MLIP: variants seen among roughly 807,000 people sequenced by gnomAD.
MLIP encodes muscular LMNA interacting protein, also known as muscular LMNA-interacting protein.
In MLIP, 79 loss-of-function variants were observed where a neutral mutation model predicts 84.8. The observed-to-expected ratio is 0.93, with a 90% CI of 0.78 to 1.12. MLIP has a LOEUF of 1.12. MLIP is among the 50% of genes most tolerant of loss of function. MLIP has a pLI of 0.00. For missense variants in MLIP, 1,257 were observed against 1,160.6 expected, an observed-to-expected ratio of 1.08 and a Z score of -1.21; for synonymous variants, 504 against 463.0, an observed-to-expected ratio of 1.09 and a Z score of -1.14.
intron 1 of MLIP, chr6:54,029,229 C>T (rs190025754): frequency 2.0e-5 from 3 of 152,246 alleles, no homozygotes; most frequent in Admixed American, 2.0e-4. Context: ...TGGATGTGTC[C>T]TCCAACATTC....
At position 54,207,900 on chromosome 6, in the gene MLIP, C is replaced by T. The variant is rs1472485174; in HGVS notation, c.2718+5667C>T. On this transcript the variant is annotated intron_variant, in intron 11 of 13. Coordinates refer to ENST00000502396, the MANE Select transcript of MLIP (RefSeq NM_001281747.2). ...CAGCACTTTGGGAGGCCGAGGTGGG[C>T]GGATCACGAGGTCAGGAGATGAAGA... Among the ~76,000 whole-genome samples, 6 of 151,688 alleles carry T rather than the reference C, an allele frequency of 4.0e-5. No individual in the cohort carries two copies. In the South Asian group the frequency reaches 1.0e-3, roughly 26 times the overall value.
chr6:54,245,006 T>C (rs966378440), intron 12 of MLIP, among the ~76,000 whole-genome samples: 7 of 152,304 alleles, frequency 4.6e-5, no homozygotes, highest in South Asian at 2.1e-4. Flanking sequence ...TCTTGTAAAA[T>C]AACATGCTGG....
chr6:54,071,022 TAGAC>T (rs1361814278), intron 1 of MLIP, among the ~76,000 whole-genome samples: 1 of 152,108 alleles, frequency 6.6e-6, no homozygotes, highest in Non-Finnish European at 1.5e-5. Flanking sequence ...ATAGACCCCT[TAGAC>T]AGAACTAAGA....
intron 11 of MLIP, among the ~76,000 whole-genome samples, chr6:54,206,777 C>G (rs940797186): frequency 6.6e-6 from 1 of 152,136 alleles, no homozygotes; most frequent in Non-Finnish European, 1.5e-5. Flanking sequence ...AACTTCCCTT[C>G]TTTATGTCAC....
At chr6:54,030,789 A>C (rs1255480425) in intron 1 of MLIP, 1 of 152,132 alleles carries the variant, frequency 6.6e-6, no homozygotes, top group Non-Finnish European at 1.5e-5. Context: ...ATGTATGGAG[A>C]CCTTAATTAT....
chr6:54,161,303 T>C (rs1040958859), intron 8 of MLIP, among the ~76,000 whole-genome samples: 3 of 151,954 alleles, frequency 2.0e-5, no homozygotes, highest in Non-Finnish European at 4.4e-5. Flanking sequence ...TGATTGAATC[T>C]ATTTCATTAT....
chr6:54,177,051 T>A (rs2150620447), intron 9 of MLIP, among the ~76,000 whole-genome samples: 1 of 152,004 alleles, frequency 6.6e-6, no homozygotes, highest in East Asian at 1.9e-4. Context: ...AAAAATTAAC[T>A]CAAGATGAAT....
chr6:54,173,764 A>G (rs2150606857), intron 9 of MLIP, among the ~76,000 whole-genome samples: 1 of 152,098 alleles, frequency 6.6e-6, no homozygotes, highest in African/African-American at 2.4e-5. Flanking sequence ...AAAATGTACA[A>G]TTAAATTATT....
Position 54,096,542 on chromosome 6 carries a change from C to A in MLIP, c.64-24905C>A, listed in dbSNP as rs551199740. 8.0e-4 allele frequency among the ~76,000 whole-genome samples: 121 copies of A among 152,144 alleles called. No homozygotes were observed. In the Middle Eastern group the frequency reaches 0.01, roughly 13 times the overall value. ...TCGGGGAAGCCCACAGCTGGTGAAG[C>A]CTTGGCTACTTTGGCTGGATATGGG... On this transcript the variant is annotated intron_variant, in intron 1 of 12. Coordinates refer to the MLIP transcript ENST00000274897.
At chr6:54,126,202 A>G (rs1006358768) in intron 3 of MLIP, among the ~76,000 whole-genome samples, 1 of 151,992 alleles carries the variant, frequency 6.6e-6, no homozygotes, top group African/African-American at 2.4e-5. Context: ...TTAGGGGAGG[A>G]CAGCTTTAGG....
chr6:54,257,404 T>C, intron 13 of MLIP, 43 bp downstream of exon 13: 1 of 1,412,810 alleles, frequency 7.1e-7, no homozygotes. Flanking sequence ...TCCATTTCTG[T>C]GTGATTATAG....
intron 13 of MLIP, among the ~76,000 whole-genome samples, chr6:54,260,548 G>A (rs1048593135): frequency 1.3e-5 from 2 of 151,914 alleles, no homozygotes; most frequent in Non-Finnish European, 2.9e-5. Flanking sequence ...GTCTAGGAAG[G>A]CCAATCAAAT....
intron 1 of MLIP, among the ~76,000 whole-genome samples, chr6:54,093,845 T>C (rs1446434819): frequency 2.0e-5 from 3 of 152,204 alleles, no homozygotes; most frequent in Non-Finnish European, 4.4e-5. Context: ...GTGGCAGAGC[T>C]GAAGAGCTGT....
intron 1 of MLIP, chr6:54,045,391 G>GAGGA (rs1235948453): frequency 1.3e-5 from 2 of 151,954 alleles, no homozygotes; most frequent in Middle Eastern, 3.2e-3. Context: ...CACCATGCAT[G>GAGGA]ATCAAATTTT....
At chr6:54,062,758 T>C (rs899110144) in intron 1 of MLIP, among the ~76,000 whole-genome samples, 2 of 152,192 alleles carry the variant, frequency 1.3e-5, no homozygotes, top group African/African-American at 4.8e-5. Context: ...TCCACGATTA[T>C]TGGAAAACAA....
chr6:54,249,396 A>G (rs1296933999), intron 12 of MLIP, among the ~76,000 whole-genome samples: 1 of 152,096 alleles, frequency 6.6e-6, no homozygotes. Flanking sequence ...AAAAATAAAT[A>G]TTAATAAATG....
chr6:54,029,901 A>G (rs1487725008), intron 1 of MLIP, among the ~76,000 whole-genome samples: 1 of 152,150 alleles, frequency 6.6e-6, no homozygotes, highest in Non-Finnish European at 1.5e-5. Flanking sequence ...TAAATGAGCC[A>G]CCATTTTCTC....
chr6:54,027,384 C>T (rs1306222845), intron 1 of MLIP, among the ~76,000 whole-genome samples: 2 of 3,426 alleles, frequency 5.8e-4, no homozygotes, highest in Admixed American at 4.5e-3. Flanking sequence ...TACACACACA[C>T]ACACACACAC....
intron 1 of MLIP, among the ~76,000 whole-genome samples, chr6:54,021,125 A>T (rs1763477104): frequency 6.6e-6 from 1 of 152,200 alleles, no homozygotes; most frequent in Non-Finnish European, 1.5e-5. Flanking sequence ...TTCATCGAGC[A>T]TTATGTTTCA....
Sources: allele counts gnomAD v4.1 joint callset (sites outside exome capture counted in the v4.1 genomes callset), GRCh38; gene constraint gnomAD v4.1.1; transcripts MANE v1.5; gene names NCBI Gene and HGNC (gene_info 2026-07-23, HGNC 2026-07-21).